The following LRRTM4 variants were observed in gnomAD, a reference collection of about 807,000 sequenced individuals.
LRRTM4 encodes leucine-rich repeat transmembrane neuronal protein 4.
LRRTM4 carries 25 observed loss-of-function variants against 47.6 expected under a neutral mutation model. The ratio of observed to expected loss-of-function variants is 0.53; its 90% CI spans 0.38 to 0.73. LRRTM4 has a LOEUF of 0.73. LRRTM4 is among the 30% of genes least tolerant of loss of function. The probability of loss-of-function intolerance (pLI) is 0.00; values close to 1 mark genes in which losing one functional copy is unlikely to be tolerated. For synonymous variants in LRRTM4, 311 were observed against 269.5 expected (o/e 1.15, Z -1.51); for missense variants, 638 against 713.4 (o/e 0.89, Z 1.20).
intron 3 of LRRTM4, among the ~76,000 whole-genome samples, chr2:76,797,256 C>G (rs1224799072): frequency 6.6e-6 from 1 of 152,048 alleles, no homozygotes; most frequent in East Asian, 1.9e-4. Flanking sequence ...ATCAGACAAA[C>G]AGCGGATCTC....
chr2:76,852,052 A>C (rs1672014182), intron 3 of LRRTM4, among the ~76,000 whole-genome samples: 4 of 152,096 alleles, frequency 2.6e-5, no homozygotes. Context: ...TCCTGTTCAG[A>C]TATAGCTAAT....
chr2:76,931,933 A>G (rs531396289), intron 3 of LRRTM4, among the ~76,000 whole-genome samples: 1 of 152,280 alleles, frequency 6.6e-6, no homozygotes, highest in African/African-American at 2.4e-5. Context: ...GGATGGGCAG[A>G]ACAGGGAGGT....
intron 3 of LRRTM4, among the ~76,000 whole-genome samples, chr2:77,092,047 C>G (rs1670661477): frequency 6.6e-6 from 1 of 152,122 alleles, no homozygotes; most frequent in South Asian, 2.1e-4. Context: ...TGCTTTAATA[C>G]TTTTAAAGGC....
intron 3 of LRRTM4, among the ~76,000 whole-genome samples, chr2:77,023,532 C>T (rs1289449962): frequency 6.6e-6 from 1 of 152,194 alleles, no homozygotes; most frequent in East Asian, 1.9e-4. Context: ...TTAACAGCAC[C>T]CAAGTAACCT....
chr2:77,373,483 C>T (rs972302171), intron 3 of LRRTM4, among the ~76,000 whole-genome samples: 3 of 151,600 alleles, frequency 2.0e-5, no homozygotes, highest in African/African-American at 7.3e-5. Flanking sequence ...ATTTTAAGGT[C>T]TTCTCCACCT....
At chr2:76,999,362 G>A (rs1438615238) in intron 3 of LRRTM4, among the ~76,000 whole-genome samples, 1 of 151,766 alleles carries the variant, frequency 6.6e-6, no homozygotes, top group Non-Finnish European at 1.5e-5. Flanking sequence ...CAGTAATGAT[G>A]GCTGTGACTT....
intron 3 of LRRTM4, among the ~76,000 whole-genome samples, chr2:77,239,499 A>T (rs770444778): frequency 6.6e-6 from 1 of 151,956 alleles, no homozygotes; most frequent in Non-Finnish European, 1.5e-5. Flanking sequence ...TTGTCAGATG[A>T]TTGGATATAA....
chr2:77,409,898 A>G (rs945192801), intron 3 of LRRTM4, among the ~76,000 whole-genome samples: 6 of 152,164 alleles, frequency 3.9e-5, no homozygotes, highest in Non-Finnish European at 8.8e-5. Context: ...CCCACTTAAC[A>G]TCATGATGGG....
At chr2:77,138,548 C>G (rs1433474379) in intron 3 of LRRTM4, among the ~76,000 whole-genome samples, 1 of 152,114 alleles carries the variant, frequency 6.6e-6, no homozygotes, top group Non-Finnish European at 1.5e-5. Flanking sequence ...AACTTAACAT[C>G]ACAATTAAAA....
intron 3 of LRRTM4, among the ~76,000 whole-genome samples, chr2:77,222,464 G>A (rs563200977): frequency 6.6e-4 from 100 of 151,866 alleles, no homozygotes; most frequent in African/African-American, 2.4e-3. Flanking sequence ...TGCTAGCAAG[G>A]TTAATAAAGA....
chr2:77,349,911 C>A (rs1054986985), intron 3 of LRRTM4, among the ~76,000 whole-genome samples: 3 of 152,092 alleles, frequency 2.0e-5, no homozygotes, highest in Non-Finnish European at 2.9e-5. Flanking sequence ...CTATCTTATA[C>A]CATATACAAT....
At chr2:77,051,991 G>A (rs1315696789) in intron 3 of LRRTM4, among the ~76,000 whole-genome samples, 1 of 150,242 alleles carries the variant, frequency 6.7e-6, no homozygotes, top group African/African-American at 2.4e-5. Context: ...AGTAATTTAT[G>A]TGTACTTTTA....
chr2:76,962,856 T>C (rs1675905241), intron 3 of LRRTM4, among the ~76,000 whole-genome samples: 1 of 150,854 alleles, frequency 6.6e-6, no homozygotes, highest in East Asian at 2.0e-4. Flanking sequence ...ATTAAAAAGA[T>C]GCTAAACTTT....
intron 3 of LRRTM4, among the ~76,000 whole-genome samples, chr2:77,172,083 C>A (rs776419275): frequency 2.3e-4 from 35 of 152,156 alleles, no homozygotes; most frequent in Non-Finnish European, 4.3e-4. Context: ...AACTTCCTTA[C>A]AATTTCCTTC....
intron 3 of LRRTM4, among the ~76,000 whole-genome samples, chr2:77,447,363 T>A (rs1199531928): frequency 6.6e-6 from 1 of 152,122 alleles, no homozygotes; most frequent in East Asian, 1.9e-4. Flanking sequence ...TATTTGCTCA[T>A]GTGCAATTCT....
At chr2:77,201,766 T>C (rs1409771497) in intron 3 of LRRTM4, among the ~76,000 whole-genome samples, 1 of 152,140 alleles carries the variant, frequency 6.6e-6, no homozygotes, top group Non-Finnish European at 1.5e-5. Context: ...GCTGGGATTT[T>C]TATTAATGAC....
intron 3 of LRRTM4, among the ~76,000 whole-genome samples, chr2:77,166,307 G>C (rs1314459787): frequency 6.6e-6 from 1 of 151,982 alleles, no homozygotes; most frequent in African/African-American, 2.4e-5. Context: ...GAAATAAGAG[G>C]ACACAAACAA....
intron 3 of LRRTM4, among the ~76,000 whole-genome samples, chr2:77,465,435 A>G (rs1330811261): frequency 1.3e-5 from 2 of 152,138 alleles, no homozygotes; most frequent in African/African-American, 4.8e-5. Context: ...TTTTTCCTGT[A>G]GGGAGAAAAG....
intron 3 of LRRTM4, among the ~76,000 whole-genome samples, chr2:77,504,156 T>A (rs367764392): frequency 6.6e-6 from 1 of 151,808 alleles, no homozygotes; most frequent in Admixed American, 6.6e-5. Context: ...ATAAAAATGA[T>A]ATAGATTCAG....
Sources: gnomAD v4.1 joint callset for allele counts (sites outside exome capture counted in the v4.1 genomes callset) on GRCh38, gnomAD v4.1.1 for gene constraint, MANE v1.5 for transcripts, NCBI Gene and HGNC (gene_info 2026-07-23, HGNC 2026-07-21) for gene names.